Variants in C9orf72 observed in about 807,000 individuals in gnomAD.
C9orf72 encodes C9orf72-SMCR8 complex subunit.
Under a neutral mutation model 51.6 loss-of-function variants are expected in C9orf72, and 44 were observed. The ratio of observed to expected loss-of-function variants is 0.85; its 90% confidence interval spans 0.67 to 1.10. The LOEUF (loss-of-function observed/expected upper bound fraction) is 1.10, where lower values mean the gene tolerates loss of function less well. C9orf72 is among the 50% of genes least tolerant of loss of function. C9orf72 has a pLI of 0.00. For synonymous variants in C9orf72, 213 were observed against 194.2 expected, an observed-to-expected ratio of 1.10 and a Z score of -0.81; for missense variants, 607 against 570.6, an observed-to-expected ratio of 1.06 and a Z score of -0.65.
chr9:27,547,414 T>C lies in C9orf72; in HGVS notation c.*822A>G, dbSNP rs565278649. On this transcript the variant is annotated 3_prime_UTR_variant, in exon 11 of 11. Coordinates refer to ENST00000380003, the MANE Select transcript of C9orf72 (RefSeq NM_018325.5). ...GAAATCTGAACTTGTTCCAAGTAATTAGATTTTCTAAGGAGAAAAAAGGCA... is the reference window on the plus strand; with the variant it reads ...GAAATCTGAACTTGTTCCAAGTAATCAGATTTTCTAAGGAGAAAAAAGGCA... 2 of 152,778 alleles carry C rather than the reference T, an allele frequency of 1.3e-5. No individual in the cohort carries two copies. Among genetic ancestry groups the C allele is most frequent in the South Asian group, 4.1e-4 (2 of 4,832 alleles). 9.5% of individuals were successfully genotyped at this position (152,778 alleles called of 1,614,324 possible).
At position 27,562,395 on chromosome 9, in the gene C9orf72, G is replaced by C. The variant is rs748325535; in HGVS notation, c.586C>G (p.Pro196Ala). The C allele has an allele frequency of 7.6e-6, 12 of 1,577,692 alleles. No individual in the cohort carries two copies. Among genetic ancestry groups the C allele is most frequent in the Non-Finnish European group, 1.0e-5 (12 of 1,157,448 alleles). The change falls in exon 4 of 11, where the codon CCT (proline) becomes GCT (alanine). Residue 196 changes from proline (P) to alanine (A), a missense_variant. Transcript: ENST00000380003. ...TTTAAACTTACATCTATTTCTTCAG[G>C]AACACTGTGTGATTTCATAGATGAA... ...LLSSMKSHSV[P>A]EEIDIADTVL...
At chr9:27,560,435 T>A in intron 5 of C9orf72, 136 bp from the exon 6 acceptor site, 5 of 671,080 alleles carry the variant, frequency 7.5e-6, no homozygotes, top group Non-Finnish European at 1.2e-5. Context: ...ATAAGCACAA[T>A]GTTATCTTTT....
chr9:27,566,116 C>T (rs1819461388), intron 2 of C9orf72, among the ~76,000 whole-genome samples: 1 of 152,074 alleles, frequency 6.6e-6, no homozygotes, highest in Admixed American at 6.6e-5. Flanking sequence ...TCTTTAGATA[C>T]ATCAAAACTA....
At chr9:27,572,380 A>G (rs2131550717) in intron 1 of C9orf72, among the ~76,000 whole-genome samples, 1 of 152,260 alleles carries the variant, frequency 6.6e-6, no homozygotes, top group East Asian at 1.9e-4. Context: ...AATATCCCCT[A>G]TATGATAGTC....
At chr9:27,560,199 T>A (rs1321873825) in intron 6 of C9orf72, 28 bp downstream of exon 6, 1 of 1,457,434 alleles carries the variant, frequency 6.9e-7, no homozygotes. Flanking sequence ...AAGAGTCAAA[T>A]CATTTGCTAG....
chr9:27,548,434 G>GAAAAAA lies in C9orf72; in HGVS notation c.1260-13_1260-12insTTTTTT. On this transcript the variant is annotated splice_polypyrimidine_tract_variant and intron_variant, in intron 10 of 10. Coordinates refer to ENST00000380003, the MANE Select transcript of C9orf72 (RefSeq NM_018325.5). Reference sequence around the variant, plus strand: ...TTTTTCCCTTCTGCCTAAAAATAATGGAAAAAAAAAAAAAAAAAAAAAAAA... The same window carrying GAAAAAA: ...TTTTTCCCTTCTGCCTAAAAATAATGAAAAAAGAAAAAAAAAAAAAAAAAAAAAAAA... 2 of 80,726 alleles carry GAAAAAA rather than the reference G, an allele frequency of 2.5e-5. No homozygotes were observed. Among genetic ancestry groups the GAAAAAA allele is most frequent in the Non-Finnish European group, 3.8e-5 (2 of 52,384 alleles). The allele number at this position is 80,726 out of a possible 1,614,324, so 5.0% of individuals were successfully genotyped here.
intron 1 of C9orf72, among the ~76,000 whole-genome samples, chr9:27,568,086 CAAAAAAAAA>C (rs11418499): frequency 8.8e-4 from 71 of 80,596 alleles, no homozygotes; most frequent in African/African-American, 2.9e-3. Flanking sequence ...GCTAAAAGGT[CAAAAAAAAA>C]AAAAAAAAAA....
intron 8 of C9orf72, among the ~76,000 whole-genome samples, chr9:27,554,990 C>T (rs1820980597): frequency 6.6e-6 from 1 of 152,044 alleles, no homozygotes; most frequent in Non-Finnish European, 1.5e-5. Context: ...CACATACATC[C>T]TCTAAAAAAC....
chr9:27,562,959 T>C (rs1298892895), intron 3 of C9orf72, among the ~76,000 whole-genome samples: 1 of 152,198 alleles, frequency 6.6e-6, no homozygotes, highest in South Asian at 2.1e-4. Context: ...CATTGGTTTA[T>C]CGTTTACTGT....
At position 27,558,472 on chromosome 9, in the gene C9orf72, T is replaced by C; in HGVS notation, c.855+19A>G. 7.5e-7 allele frequency: 1 copy of C among 1,332,866 alleles called. No homozygotes were observed. The highest frequency in any genetic ancestry group is 1.1e-6 in the Non-Finnish European group (1 of 943,846). The allele number at this position is 1,332,866 out of a possible 1,614,324, so 82.6% of individuals were successfully genotyped here. A position where few individuals can be genotyped will look rare whatever the true frequency, so the allele number is the denominator to read the frequency against. ...GATTTTAGAAAAGTGGTTTCACTTG[T>C]GATAACTAGAAACTATACCTTTAGC... is the stretch of plus-strand genomic sequence containing the variant. On this transcript the variant is annotated intron_variant, in intron 7 of 10. Coordinates refer to ENST00000380003, the MANE Select transcript of C9orf72 (RefSeq NM_018325.5).
intron 8 of C9orf72, chr9:27,554,737 A>G: frequency 2.5e-6 from 1 of 396,414 alleles, no homozygotes; most frequent in Non-Finnish European, 4.4e-6. Context: ...ATTAACATGT[A>G]AAAACATATA....
intron 1 of C9orf72, among the ~76,000 whole-genome samples, chr9:27,569,397 C>A (rs527541491): frequency 1.3e-5 from 2 of 152,188 alleles, no homozygotes; most frequent in Admixed American, 1.3e-4. Flanking sequence ...AAGCTCCATT[C>A]GTGGTAAGTG....
At chr9:27,571,771 C>T (rs1216901066) in intron 1 of C9orf72, among the ~76,000 whole-genome samples, 1 of 152,112 alleles carries the variant, frequency 6.6e-6, no homozygotes, top group Non-Finnish European at 1.5e-5. Context: ...ATACTTGTAA[C>T]CATGCTGTTT....
chr9:27,562,301 T>C (rs1050907287), intron 4 of C9orf72, 80 bp downstream of exon 4: 24 of 508,322 alleles, frequency 4.7e-5, no homozygotes, highest in Admixed American at 8.5e-5. Flanking sequence ...CTATTAAAAT[T>C]AGAATATTAA....
At chr9:27,558,676 T>C in intron 6 of C9orf72, 69 bp from the exon 7 acceptor site, 1 of 774,952 alleles carries the variant, frequency 1.3e-6, no homozygotes. Flanking sequence ...ATGAAAGATA[T>C]CTGAAATTTT....
chr9:27,553,518 G>A (rs945627132), intron 8 of C9orf72, among the ~76,000 whole-genome samples: 12 of 152,186 alleles, frequency 7.9e-5, no homozygotes, highest in African/African-American at 2.9e-4. Flanking sequence ...AGGAATTGGA[G>A]TGAAACTGGA....
At chr9:27,561,967 C>T (rs948282272) in intron 4 of C9orf72, among the ~76,000 whole-genome samples, 4 of 152,160 alleles carry the variant, frequency 2.6e-5, no homozygotes, top group African/African-American at 9.7e-5. Flanking sequence ...TCTTAACACT[C>T]ATAGTGTGTG....
At chr9:27,572,026 T>C (rs950982703) in intron 1 of C9orf72, among the ~76,000 whole-genome samples, 2 of 152,204 alleles carry the variant, frequency 1.3e-5, no homozygotes, top group South Asian at 2.1e-4. Context: ...AACTATCTAA[T>C]TAACGTAGAA....
At chr9:27,560,771 C>G in intron 5 of C9orf72, 1 of 984,674 alleles carries the variant, frequency 1.0e-6, no homozygotes, top group Non-Finnish European at 1.2e-6. Flanking sequence ...AGACTGTGAA[C>G]ATAAAAGTGA....
Sources: gnomAD v4.1 joint callset for allele counts (sites outside exome capture counted in the v4.1 genomes callset) on GRCh38, gnomAD v4.1.1 for gene constraint, MANE v1.5 for transcripts, NCBI Gene and HGNC (gene_info 2026-07-23, HGNC 2026-07-21) for gene names.